HECW1: variants seen among roughly 807,000 people sequenced by gnomAD.
HECW1 encodes HECT, C2 and WW domain containing E3 ubiquitin protein ligase 1, also known as E3 ubiquitin-protein ligase HECW1.
In HECW1, 61 loss-of-function variants were observed where a neutral mutation model predicts 182.3. The ratio of observed to expected loss-of-function variants is 0.33; its 90% CI spans 0.27 to 0.41. The LOEUF is 0.41. Ranked by LOEUF, HECW1 falls within the 10% of genes least tolerant of loss-of-function variation. HECW1 has a pLI of 1.00. For synonymous variants in HECW1, 859 were observed against 832.6 expected (o/e 1.03, Z -0.55); for missense variants, 1,739 against 2,108.9 (o/e 0.82, Z 3.44).
intron 2 of HECW1, among the ~76,000 whole-genome samples, chr7:43,237,846 C>G (rs1195452870): frequency 1.1e-3 from 161 of 145,360 alleles, no homozygotes; most frequent in Non-Finnish European, 1.2e-3. Flanking sequence ...CCCCGCCGCC[C>G]CCACTTGGAG....
chr7:43,384,781 C>G (rs958780586), intron 6 of HECW1, among the ~76,000 whole-genome samples: 2 of 152,162 alleles, frequency 1.3e-5, no homozygotes, highest in Non-Finnish European at 2.9e-5. Flanking sequence ...GAGTGGGTGG[C>G]TGGAAAGAGC....
intron 2 of HECW1, among the ~76,000 whole-genome samples, chr7:43,179,554 T>TTCG (rs143258702): frequency 6.8e-6 from 1 of 148,106 alleles, no homozygotes; most frequent in Non-Finnish European, 1.5e-5. Context: ...ATTTGCTAAG[T>TTCG]TTGTTGTTGT....
intron 2 of HECW1, among the ~76,000 whole-genome samples, chr7:43,223,404 G>A (rs989025456): frequency 1.3e-5 from 2 of 152,200 alleles, no homozygotes; most frequent in African/African-American, 2.4e-5. Flanking sequence ...GATCACCTGA[G>A]GTCAGGAGTT....
chr7:43,260,840 G>A (rs1283586260), intron 3 of HECW1, among the ~76,000 whole-genome samples: 2 of 152,194 alleles, frequency 1.3e-5, no homozygotes, highest in Admixed American at 6.5e-5. Flanking sequence ...ACTGATGAAG[G>A]AAACTGTGAA....
At chr7:43,407,756 A>C (rs1163421549) in intron 8 of HECW1, 25 bp downstream of exon 8, 1 of 1,585,014 alleles carries the variant, frequency 6.3e-7, no homozygotes, top group Admixed American at 1.8e-5. Flanking sequence ...CCCTGAAAAA[A>C]AGCCCAAGTA....
At chr7:43,377,557 A>G (rs2074380408) in intron 6 of HECW1, among the ~76,000 whole-genome samples, 1 of 152,144 alleles carries the variant, frequency 6.6e-6, no homozygotes, top group Non-Finnish European at 1.5e-5. Context: ...CTTTTAGATC[A>G]GGGGTTTTCT....
At chr7:43,197,412 C>A (rs1254680377) in intron 2 of HECW1, among the ~76,000 whole-genome samples, 1 of 152,176 alleles carries the variant, frequency 6.6e-6, no homozygotes, top group Non-Finnish European at 1.5e-5. Context: ...CTTCCTGCTG[C>A]CTGTGGAGAG....
chr7:43,427,983 C>T (rs1389254158), intron 8 of HECW1, among the ~76,000 whole-genome samples: 6 of 152,176 alleles, frequency 3.9e-5, no homozygotes, highest in South Asian at 4.1e-4. Flanking sequence ...ATTCAAGGTC[C>T]GTTGTTTGGT....
intron 13 of HECW1, among the ~76,000 whole-genome samples, chr7:43,462,977 CTG>C (rs2077640696): frequency 6.6e-6 from 1 of 152,156 alleles, no homozygotes; most frequent in South Asian, 2.1e-4. Context: ...TACATCTCGA[CTG>C]TGTGTGTTTA....
chr7:43,488,454 AAG>A (rs1425481349), intron 17 of HECW1, among the ~76,000 whole-genome samples: 1 of 149,126 alleles, frequency 6.7e-6, no homozygotes, highest in African/African-American at 2.5e-5. Context: ...GAAAGAAAGA[AAG>A]AAAGAAAGAA....
intron 3 of HECW1, among the ~76,000 whole-genome samples, chr7:43,292,485 G>T (rs907323300): frequency 2.6e-5 from 4 of 152,184 alleles, no homozygotes; most frequent in African/African-American, 4.8e-5. Context: ...AATACCCAGG[G>T]TCACAAAGTC....
In HECW1 at chr7:43,509,038, T is replaced by C. The variant is rs1041147074; in HGVS notation, c.3936T>C (p.Tyr1312=). The C allele has an allele frequency of 1.7e-5, 28 of 1,614,182 alleles. No individual in the cohort carries two copies. In the Middle Eastern group the frequency reaches 2.5e-3, roughly 143 times the overall value. ...CTCAGGAGCTCTTCAACCCTTACTATGGACTCTTTGAGTACTCGGCAAATG... is the reference window on the plus strand; with the variant it reads ...CTCAGGAGCTCTTCAACCCTTACTACGGACTCTTTGAGTACTCGGCAAATG... ...LLSQELFNPY[Y]GLFEYSANDT... The change falls in exon 24 of 30, where the codon TAT becomes TAC. Residue 1312 remains tyrosine, a synonymous_variant. Transcript: ENST00000395891.
intron 5 of HECW1, among the ~76,000 whole-genome samples, chr7:43,351,832 C>A (rs1265308784): frequency 6.6e-6 from 1 of 152,010 alleles, no homozygotes; most frequent in Non-Finnish European, 1.5e-5. Flanking sequence ...TTTCTTCTGA[C>A]CAATGTCTAG....
intron 2 of HECW1, among the ~76,000 whole-genome samples, chr7:43,142,311 G>A (rs1788238052): frequency 6.6e-6 from 1 of 152,178 alleles, no homozygotes; most frequent in Admixed American, 6.5e-5. Context: ...TTTTAAACAA[G>A]TTCCCAAGAT....
intron 28 of HECW1, among the ~76,000 whole-genome samples, chr7:43,552,943 G>T (rs1175367760): frequency 6.6e-6 from 1 of 152,182 alleles, no homozygotes; most frequent in Non-Finnish European, 1.5e-5. Context: ...TTAACTCGAT[G>T]TAGAGGCTTG....
chr7:43,287,073 C>T (rs565478646), intron 3 of HECW1, among the ~76,000 whole-genome samples: 7 of 152,078 alleles, frequency 4.6e-5, no homozygotes, highest in East Asian at 3.9e-4. Flanking sequence ...TAGTAGTGAA[C>T]GTAACAAAGT....
At position 43,463,685 on chromosome 7, in the gene HECW1, G is replaced by T. The variant is rs1354971801; in HGVS notation, c.2677G>T (p.Ala893Ser). Residue 893 changes from alanine to serine, a missense_variant, in exon 14 of 30, where the codon GCA (alanine) becomes TCA (serine). By Grantham distance (99) the Ala-to-Ser change is moderately conservative. This residue lies in a region of HECW1 where 971 missense variants were observed against 1,029.1 expected (regional missense o/e 0.94). Coordinates refer to ENST00000395891, the MANE Select transcript of HECW1 (RefSeq NM_015052.5). The stretch of plus-strand genomic sequence containing the variant: ...GTATCAAAACATTCAGCGAACCATT[G>T]CAACAGAGAGGTCCGAAGAAGATTC... ...RRYQNIQRTI[A>S]TERSEEDSGS... 2 of 1,613,936 alleles carry T rather than the reference G, an allele frequency of 1.2e-6. No homozygotes were observed. Among genetic ancestry groups the T allele is most frequent in the Non-Finnish European group, 1.7e-6 (2 of 1,179,962 alleles).
intron 5 of HECW1, among the ~76,000 whole-genome samples, chr7:43,333,518 G>T (rs7797487): frequency 1.2e-4 from 19 of 152,118 alleles, no homozygotes; most frequent in African/African-American, 4.6e-4. Flanking sequence ...AGCAAAAATC[G>T]TCTATAATTT....
intron 2 of HECW1, among the ~76,000 whole-genome samples, chr7:43,222,700 G>A (rs974014917): frequency 6.6e-6 from 1 of 152,202 alleles, no homozygotes; most frequent in African/African-American, 2.4e-5. Flanking sequence ...ACATGTGTGA[G>A]ATTTGTAGCA....
Sources: gnomAD v4.1 joint callset for allele counts (sites outside exome capture counted in the v4.1 genomes callset) on GRCh38, gnomAD v4.1.1 for gene constraint, gnomAD v4.1.1 regional missense constraint, MANE v1.5 for transcripts, NCBI Gene and HGNC (gene_info 2026-07-23, HGNC 2026-07-21) for gene names.